Variants in DTWD2 observed in about 807,000 individuals in gnomAD.
DTWD2 encodes the protein DTW motif tRNA-uridine aminocarboxypropyltransferase 2, also known as tRNA-uridine aminocarboxypropyltransferase 2.
In DTWD2, 39 loss-of-function variants were observed where a neutral mutation model predicts 31.8. The observed-to-expected ratio is 1.22, with a 90% CI of 0.95 to 1.60. The LOEUF (loss-of-function observed/expected upper bound fraction) is 1.60. Ranked by LOEUF, DTWD2 falls within the 40% of genes most tolerant of loss-of-function variation. DTWD2 has a pLI of 0.00. For synonymous variants in DTWD2, 180 were observed against 142.8 expected (o/e 1.26, Z -1.86); for missense variants, 515 against 381.5 (o/e 1.35, Z -2.92).
intron 4 of DTWD2, among the ~76,000 whole-genome samples, chr5:118,913,148 T>C (rs2149571608): frequency 6.6e-6 from 1 of 152,064 alleles, no homozygotes. Flanking sequence ...AAATTCAAAA[T>C]ATTGCCACCT....
chr5:118,971,393 G>A (rs112637997), intron 1 of DTWD2, among the ~76,000 whole-genome samples: 10,067 of 152,084 alleles, frequency 0.066, 1,006 homozygotes, highest in East Asian at 0.48. Context: ...AAAGAAGGGC[G>A]TTATATATGG....
rs77202033 is a variant in DTWD2, at chr5:118,917,069, C to T, written c.597+11468G>A. 9.6e-3 allele frequency among the ~76,000 whole-genome samples: 1,462 copies of T among 152,244 alleles called. 22 individuals carry two copies. Among genetic ancestry groups the T allele is most frequent in the African/African-American group, 0.034 (1,413 of 41,546 alleles). On this transcript the variant is annotated intron_variant, in intron 4 of 5. Transcript: ENST00000510708. The stretch of plus-strand genomic sequence containing the variant: ...AAACTGACAAAAATATAATAATATA[C>T]TAACCTAGTTTTATTGCATTATTTA...
At chr5:118,849,329 C>T (rs576858082) in intron 4 of DTWD2, among the ~76,000 whole-genome samples, 19 of 152,212 alleles carry the variant, frequency 1.2e-4, no homozygotes, top group Middle Eastern at 3.4e-3. Context: ...CAATGAGATA[C>T]CACCTCACTC....
intron 1 of DTWD2, among the ~76,000 whole-genome samples, chr5:118,987,269 C>T (rs1561483779): frequency 6.6e-6 from 1 of 152,186 alleles, no homozygotes; most frequent in Non-Finnish European, 1.5e-5. Flanking sequence ...TTCCATCCTC[C>T]TCAGAGGTTT....
rs1751617634 is a variant in DTWD2, at chr5:118,838,202, G to T, written c.*2715C>A. ...AAACTCTCAATACCTCTCATTACACGCAGTGATTTTCAACATACTATAAAG... is the reference window on the plus strand; with the variant it reads ...AAACTCTCAATACCTCTCATTACACTCAGTGATTTTCAACATACTATAAAG... On this transcript the variant is annotated 3_prime_UTR_variant, in exon 6 of 6. Transcript: ENST00000510708. The T allele has an allele frequency of 6.6e-6, 1 of 151,958 alleles. No individual in the cohort carries two copies. Among genetic ancestry groups the T allele is most frequent in the Non-Finnish European group, 1.5e-5 (1 of 68,012 alleles). 9.4% of individuals were successfully genotyped at this position (151,958 alleles called of 1,614,324 possible).
At chr5:118,885,550 G>C (rs1285694406) in intron 4 of DTWD2, among the ~76,000 whole-genome samples, 2 of 150,614 alleles carry the variant, frequency 1.3e-5, no homozygotes, top group Non-Finnish European at 2.9e-5. Context: ...CGGATCACCT[G>C]AAGTCAGGAG....
At chr5:118,982,968 C>A (rs922849983) in intron 1 of DTWD2, among the ~76,000 whole-genome samples, 1 of 152,146 alleles carries the variant, frequency 6.6e-6, no homozygotes, top group Non-Finnish European at 1.5e-5. Flanking sequence ...GGACTACAGG[C>A]ATGAGCCACT....
At chr5:118,971,530 G>C (rs1264531874) in intron 1 of DTWD2, among the ~76,000 whole-genome samples, 4 of 152,086 alleles carry the variant, frequency 2.6e-5, no homozygotes, top group Non-Finnish European at 5.9e-5. Context: ...CACAATAATA[G>C]TGAGAGACTT....
At chr5:118,910,264 ACTTCG>A (rs1401337160) in intron 4 of DTWD2, among the ~76,000 whole-genome samples, 5 of 152,244 alleles carry the variant, frequency 3.3e-5, no homozygotes, top group Non-Finnish European at 5.9e-5. Context: ...CACCCTCAAC[ACTTCG>A]CTTAGAGATT....
intron 5 of DTWD2, among the ~76,000 whole-genome samples, chr5:118,844,855 C>T (rs1037716280): frequency 1.3e-5 from 2 of 152,166 alleles, no homozygotes; most frequent in Admixed American, 6.6e-5. Flanking sequence ...TCTTCTCTGG[C>T]AGGCACAGTA....
rs1751617142 is a variant in DTWD2, at chr5:118,838,190, C to T, written c.*2727G>A. On this transcript the variant is annotated 3_prime_UTR_variant, in exon 6 of 6. Coordinates refer to ENST00000510708, the MANE Select transcript of DTWD2 (RefSeq NM_173666.4). ...CATGTGTGCAAGAAACTCTCAATAC[C>T]TCTCATTACACGCAGTGATTTTCAA... 6.6e-6 allele frequency: 1 copy of T among 152,126 alleles called. No individual in the cohort carries two copies. Among genetic ancestry groups the T allele is most frequent in the South Asian group, 2.1e-4 (1 of 4,824 alleles). The allele number at this position is 152,126 out of a possible 1,614,324, so 9.4% of individuals were successfully genotyped here. A position where few individuals can be genotyped will look rare whatever the true frequency, so the allele number is the denominator to read the frequency against.
intron 4 of DTWD2, among the ~76,000 whole-genome samples, chr5:118,878,303 T>A (rs1000967566): frequency 6.6e-6 from 1 of 152,098 alleles, no homozygotes; most frequent in African/African-American, 2.4e-5. Flanking sequence ...GGTATTGGTA[T>A]GAAAACAGAC....
intron 4 of DTWD2, among the ~76,000 whole-genome samples, chr5:118,914,022 T>C (rs1753519483): frequency 6.6e-6 from 1 of 152,170 alleles, no homozygotes; most frequent in South Asian, 2.1e-4. Flanking sequence ...CTTTTCTTTG[T>C]ATTTTATGTT....
intron 1 of DTWD2, among the ~76,000 whole-genome samples, chr5:118,957,517 G>A (rs1279461906): frequency 6.6e-6 from 1 of 152,088 alleles, no homozygotes; most frequent in Non-Finnish European, 1.5e-5. Context: ...ACCGCACCTG[G>A]CCACTGTTGT....
chr5:118,988,185 C>A (rs1003332519), intron 1 of DTWD2, 109 bp downstream of exon 1: 4 of 1,362,430 alleles, frequency 2.9e-6, no homozygotes, highest in Non-Finnish European at 4.0e-6. Context: ...CCAACTCCGC[C>A]GCCCTAATCG....
chr5:118,850,680 C>G (rs112504453), intron 4 of DTWD2, among the ~76,000 whole-genome samples: 182 of 151,848 alleles, frequency 1.2e-3, no homozygotes, highest in Admixed American at 3.4e-3. Flanking sequence ...TCTAATTAAA[C>G]TAAAAAGCTT....
intron 4 of DTWD2, among the ~76,000 whole-genome samples, chr5:118,915,015 C>T (rs1753541877): frequency 2.0e-5 from 3 of 152,178 alleles, no homozygotes; most frequent in South Asian, 4.2e-4. Context: ...TCACATGAGT[C>T]CAGGGATCGA....
chr5:118,940,676 T>C (rs1754158795), intron 2 of DTWD2, among the ~76,000 whole-genome samples: 1 of 152,216 alleles, frequency 6.6e-6, no homozygotes, highest in Non-Finnish European at 1.5e-5. Context: ...TTTTGTCATA[T>C]CCATTTTACT....
chr5:118,970,884 A>C (rs2442120), intron 1 of DTWD2, among the ~76,000 whole-genome samples: 148,498 of 152,270 alleles, frequency 0.98, 72,461 homozygotes, highest in East Asian at 1. Context: ...TCTGGCCAAA[A>C]TAAGCTTAAT....
Sources: allele counts gnomAD v4.1 joint callset (sites outside exome capture counted in the v4.1 genomes callset), GRCh38; gene constraint gnomAD v4.1.1; transcripts MANE v1.5; gene names NCBI Gene and HGNC (gene_info 2026-07-23, HGNC 2026-07-21).